The following LRP1B variants were observed in gnomAD, a reference collection of about 807,000 sequenced individuals.
LRP1B encodes low-density lipoprotein receptor-related protein 1B.
In LRP1B, 217 loss-of-function variants were observed where a neutral mutation model predicts 556.6. That is an observed-to-expected ratio of 0.39 (90% CI 0.35 to 0.44). The LOEUF is 0.44. Among genes scored for constraint, LRP1B ranks in the 20% least tolerant of loss-of-function variants. The pLI is 1.00. For synonymous variants in LRP1B, 2,047 were observed against 1,865.8 expected (o/e 1.10, Z -2.50); for missense variants, 5,053 against 5,620.8 (o/e 0.90, Z 3.23).
In LRP1B at chr2:140,637,602, A is replaced by T. The variant is rs137909481; in HGVS notation, c.6800-35963T>A. Reference sequence around the variant, plus strand: ...TTTTTTTCCTAAATTGGCTATATATAACTCAAATTCTCTCACTGCTTGGGC... The same window carrying T: ...TTTTTTTCCTAAATTGGCTATATATTACTCAAATTCTCTCACTGCTTGGGC... On this transcript the variant is annotated intron_variant, in intron 41 of 90. Coordinates refer to ENST00000389484, the MANE Select transcript of LRP1B (RefSeq NM_018557.3). Among the ~76,000 whole-genome samples, 70 of 152,220 alleles carry T rather than the reference A, an allele frequency of 4.6e-4. 2 individuals are homozygous for T. Among genetic ancestry groups the T allele is most frequent in the African/African-American group, 1.5e-3 (63 of 41,542 alleles).
intron 5 of LRP1B, among the ~76,000 whole-genome samples, chr2:141,230,090 T>G (rs1343974565): frequency 2.6e-5 from 4 of 152,350 alleles, no homozygotes; most frequent in African/African-American, 9.6e-5. Context: ...TTGCTGGTAT[T>G]AGGACTGAGT....
chr2:141,037,877 C>A (rs1698579175), intron 11 of LRP1B, among the ~76,000 whole-genome samples: 1 of 150,264 alleles, frequency 6.7e-6, no homozygotes, highest in South Asian at 2.1e-4. Flanking sequence ...CACATGCGCA[C>A]GTGCATGTAC....
At chr2:140,763,648 C>T (rs1689004079) in intron 35 of LRP1B, among the ~76,000 whole-genome samples, 1 of 151,988 alleles carries the variant, frequency 6.6e-6, no homozygotes. Context: ...AAATTAAATG[C>T]CTAATAGGGG....
chr2:142,029,171 C>T (rs1007756434), intron 1 of LRP1B, among the ~76,000 whole-genome samples: 4 of 151,794 alleles, frequency 2.6e-5, no homozygotes, highest in Non-Finnish European at 5.9e-5. Flanking sequence ...GCCCTATAAC[C>T]CAGAGTTTCT....
At chr2:140,551,818 C>G (rs1680557975) in intron 43 of LRP1B, among the ~76,000 whole-genome samples, 1 of 152,114 alleles carries the variant, frequency 6.6e-6, no homozygotes, top group African/African-American at 2.4e-5. Flanking sequence ...TCACATTTTA[C>G]CAGAATTCAT....
At chr2:142,043,643 A>AT (rs1374562000) in intron 1 of LRP1B, among the ~76,000 whole-genome samples, 1 of 151,600 alleles carries the variant, frequency 6.6e-6, no homozygotes, top group Non-Finnish European at 1.5e-5. Context: ...GATCAACTTT[A>AT]TTTTTCCTGT....
At chr2:142,093,097 T>C (rs999278956) in intron 1 of LRP1B, among the ~76,000 whole-genome samples, 1 of 152,100 alleles carries the variant, frequency 6.6e-6, no homozygotes, top group African/African-American at 2.4e-5. Flanking sequence ...CATAATTCAA[T>C]TTTTTTCATC....
At chr2:141,527,904 A>G (rs1684743367) in intron 2 of LRP1B, among the ~76,000 whole-genome samples, 2 of 151,988 alleles carry the variant, frequency 1.3e-5, no homozygotes, top group South Asian at 4.2e-4. Context: ...AACTCTTCTC[A>G]TAGTTGTATG....
chr2:140,597,530 A>G (rs1187634253), intron 43 of LRP1B, among the ~76,000 whole-genome samples: 1 of 152,168 alleles, frequency 6.6e-6, no homozygotes, highest in Non-Finnish European at 1.5e-5. Context: ...TGAGTCATAT[A>G]CTTTTGCATT....
intron 12 of LRP1B, among the ~76,000 whole-genome samples, chr2:141,016,762 A>G (rs1697911987): frequency 6.6e-6 from 1 of 152,088 alleles, no homozygotes; most frequent in Non-Finnish European, 1.5e-5. Flanking sequence ...TTTATTAATT[A>G]AAGTGTAGGT....
At chr2:141,288,632 T>C (rs552933356) in intron 3 of LRP1B, among the ~76,000 whole-genome samples, 67 of 152,212 alleles carry the variant, frequency 4.4e-4, no homozygotes, top group Non-Finnish European at 6.9e-4. Flanking sequence ...ACTGATTATC[T>C]TAAATGATCT....
intron 2 of LRP1B, among the ~76,000 whole-genome samples, chr2:141,656,619 A>G (rs183737292): frequency 2.0e-5 from 3 of 152,290 alleles, no homozygotes; most frequent in Admixed American, 2.0e-4. Context: ...TGTGCAAAGC[A>G]GTACAATTGT....
intron 43 of LRP1B, among the ~76,000 whole-genome samples, chr2:140,592,496 A>G (rs11685031): frequency 0.2 from 30,910 of 151,648 alleles, 3,367 homozygotes; most frequent in Middle Eastern, 0.3. Flanking sequence ...CTTTGGTGAT[A>G]GCAAATGGTT....
intron 1 of LRP1B, among the ~76,000 whole-genome samples, chr2:141,827,937 A>G (rs1230847709): frequency 6.6e-6 from 1 of 152,080 alleles, no homozygotes; most frequent in Non-Finnish European, 1.5e-5. Context: ...GCCACACAGA[A>G]GAAATTCTAC....
At chr2:140,402,280 G>C (rs970138814) in intron 66 of LRP1B, among the ~76,000 whole-genome samples, 1 of 152,164 alleles carries the variant, frequency 6.6e-6, no homozygotes, top group Admixed American at 6.5e-5. Flanking sequence ...CAAAATTGCA[G>C]TGCTGGGATC....
chr2:140,870,257 G>T (rs1693086887), intron 25 of LRP1B, among the ~76,000 whole-genome samples: 2 of 152,108 alleles, frequency 1.3e-5, no homozygotes, highest in African/African-American at 4.8e-5. Flanking sequence ...TGTTGACTGT[G>T]AGGTTCTGCC....
intron 21 of LRP1B, among the ~76,000 whole-genome samples, chr2:140,915,607 G>T (rs926068293): frequency 6.6e-6 from 1 of 151,154 alleles, no homozygotes; most frequent in African/African-American, 2.4e-5. Context: ...AGCTGAGGTC[G>T]CACCACTGCA....
At chr2:140,891,978 GGT>G (rs1004895496) in intron 23 of LRP1B, among the ~76,000 whole-genome samples, 1 of 151,760 alleles carries the variant, frequency 6.6e-6, no homozygotes, top group Non-Finnish European at 1.5e-5. Flanking sequence ...CCTCCTTTGG[GGT>G]GTGTGTGTGT....
chr2:140,567,582 A>G (rs1681172519), intron 43 of LRP1B, among the ~76,000 whole-genome samples: 1 of 152,170 alleles, frequency 6.6e-6, no homozygotes, highest in Non-Finnish European at 1.5e-5. Context: ...TCAACATCCA[A>G]TTCTGGAACA....
Sources: gnomAD v4.1 joint callset for allele counts (sites outside exome capture counted in the v4.1 genomes callset) on GRCh38, gnomAD v4.1.1 for gene constraint, MANE v1.5 for transcripts, NCBI Gene and HGNC (gene_info 2026-07-23, HGNC 2026-07-21) for gene names.